Variants in PGBD1 observed in about 807,000 individuals in gnomAD.
PGBD1 encodes the protein piggyBac transposable element derived 1, also known as piggyBac transposable element-derived protein 1.
PGBD1 carries 25 observed loss-of-function variants against 34.7 expected under a neutral mutation model. The ratio of observed to expected loss-of-function variants is 0.72; its 90% CI spans 0.52 to 1.00. The LOEUF is 1.00. Among genes scored for constraint, PGBD1 ranks in the 50% least tolerant of loss-of-function variants. The probability of loss-of-function intolerance (pLI) is 0.00; values close to 1 mark genes in which losing one functional copy is unlikely to be tolerated. For missense variants in PGBD1, 830 were observed against 959.4 expected (o/e 0.87, Z 1.78); for synonymous variants, 292 against 335.7 (o/e 0.87, Z 1.42).
intron 4 of PGBD1, among the ~76,000 whole-genome samples, chr6:28,294,011 C>T (rs1477573060): frequency 6.6e-6 from 1 of 152,174 alleles, no homozygotes; most frequent in Non-Finnish European, 1.5e-5. Flanking sequence ...GCTAGGAGGC[C>T]TCTTGTGCCA....
chr6:28,283,688 T>A (rs1762193841), intron 1 of PGBD1, 88 bp from the exon 2 acceptor site: 1 of 1,226,946 alleles, frequency 8.2e-7, no homozygotes, highest in African/African-American at 1.5e-5. Context: ...GACAAAAATG[T>A]AAGTAGGTTA....
chr6:28,290,362 C>A (rs1035955469), intron 4 of PGBD1, among the ~76,000 whole-genome samples: 1 of 152,150 alleles, frequency 6.6e-6, no homozygotes. Flanking sequence ...TCCCAAAGTT[C>A]TGGGATTACA....
intron 5 of PGBD1, 79 bp from the exon 6 acceptor site, chr6:28,297,816 G>GTTTTTTTTTT (rs368634720): frequency 5.7e-6 from 2 of 350,516 alleles, no homozygotes; most frequent in Non-Finnish European, 9.6e-6. Context: ...TACCCTGGAA[G>GTTTTTTTTTT]TTTTTTTTTT....
rs774020114 is a variant in PGBD1 at position 28,301,806 on chromosome 6, G to T, written c.1952G>T (p.Arg651Leu). The T allele has an allele frequency of 2.7e-5, 43 of 1,613,962 alleles. No individual in the cohort carries two copies. The highest frequency in any genetic ancestry group is 3.6e-5 in the Non-Finnish European group (43 of 1,180,020). ...GGGGTGAGGGCAACAGGAACAATTC[G>T]TGAGAACAGGACCGAAAAATGTCCC... ...KKGVRATGTI[R>L]ENRTEKCPLM... Residue 651 changes from arginine to leucine, a missense_variant, in exon 7 of 7, where the codon CGT (arginine) becomes CTT (leucine). Transcript: ENST00000682144.
rs1340889493 is a variant in PGBD1 at position 28,285,569 on chromosome 6, G to A, written c.415G>A (p.Gly139Arg). Residue 139 changes from glycine to arginine, a missense_variant, in exon 3 of 7, where the codon GGA becomes AGA. Around this residue, in one of 3 missense-constraint regions of PGBD1, gnomAD observed 457 missense variants for 515.4 expected, o/e 0.89. Coordinates refer to ENST00000682144, the MANE Select transcript of PGBD1 (RefSeq NM_032507.4). ...TTTCCAGGCCTCTGTCTATATTCAG[G>A]GACAGGACATGCACCCAATGGTGGC... is the stretch of plus-strand genomic sequence containing the variant. ...TGQQASVYIQ[G>R]QDMHPMVAEY... 5 of 1,613,952 alleles carry A rather than the reference G, an allele frequency of 3.1e-6. No individual in the cohort carries two copies. In the South Asian group the frequency reaches 4.4e-5, roughly 14 times the overall value.
rs1407983562 is a variant in PGBD1, at chr6:28,283,954, T to C, written c.141T>C (p.Phe47=). 3.7e-6 allele frequency: 6 copies of C among 1,614,042 alleles called. No homozygotes were observed. The East Asian group carries it at 8.9e-5, about 24-fold the overall frequency. The change falls in exon 2 of 7, where the codon TTT becomes TTC. Residue 47 remains phenylalanine, a synonymous_variant. Transcript: ENST00000682144. ...SHTQEICRLR[F]RHFCYQEAHG... is the part of the protein sequence containing the mutation. Reference sequence around the variant, plus strand: ...CTCAGGAGATTTGCCGCCTGCGCTTTCGGCACTTCTGCTACCAGGAGGCTC... The same window carrying C: ...CTCAGGAGATTTGCCGCCTGCGCTTCCGGCACTTCTGCTACCAGGAGGCTC...
intron 1 of PGBD1, among the ~76,000 whole-genome samples, chr6:28,282,948 C>T (rs1762172812): frequency 6.6e-6 from 1 of 152,196 alleles, no homozygotes; most frequent in South Asian, 2.1e-4. Context: ...ATTGTTGCAT[C>T]AAAAATAAAA....
rs748626965 is a variant in PGBD1, at chr6:28,301,648, T to C, written c.1794T>C (p.Pro598=). 1 of 1,614,074 alleles carries C rather than the reference T, an allele frequency of 6.2e-7. No individual in the cohort carries two copies. ...CAACTATGAAGGTAGATGAGGATCC[T>C]GATCTTGGGTTAGGTGGAAATCTAG... The part of the protein sequence containing the change: ...EESTMKVDED[P]DLGLGGNLVM... Residue 598 remains proline, a synonymous_variant, in exon 7 of 7, where the codon CCT becomes CCC. Transcript: ENST00000682144.
Position 28,300,881 on chromosome 6 carries a change from A to AG in PGBD1, c.1028dup (p.Asp346ArgfsTer7). The AG allele has an allele frequency of 1.9e-6, 3 of 1,614,124 alleles. No homozygotes were observed. The highest frequency in any genetic ancestry group is 1.1e-5 in the South Asian group (1 of 91,084). ...TGCAGGAGACATTACCCGAAAAGGGAGAAAAAAAGACAAAGCTCGAGTGAG... is the reference window on the plus strand; with the variant it reads ...TGCAGGAGACATTACCCGAAAAGGGAGGAAAAAAAGACAAAGCTCGAGTGAG... On this transcript the variant is annotated frameshift_variant, in exon 7 of 7. Coordinates refer to ENST00000682144, the MANE Select transcript of PGBD1 (RefSeq NM_032507.4). LOFTEE classifies it low-confidence loss of function (END_TRUNC). This position sits in a 1 kb window ranked among gnomAD's most constrained non-coding sequence, Gnocchi z 4.0.
intron 5 of PGBD1, 94 bp downstream of exon 5, chr6:28,297,039 A>T: frequency 1.4e-6 from 2 of 1,414,660 alleles, no homozygotes; most frequent in Admixed American, 2.1e-5. Context: ...TTTCCTACAG[A>T]CCCACACCCT....
rs1561893123 is a variant in PGBD1, at chr6:28,301,408, G to A, written c.1554G>A (p.Lys518=). ...ADNGHLDQKD[K]FTKLRPLIKQ... ...ATGGCCACCTAGATCAAAAAGATAA[G>A]TTTACAAAGTTGAGACCTCTCATAA... Residue 518 remains lysine, a synonymous_variant, in exon 7 of 7, where the codon AAG becomes AAA. Transcript: ENST00000682144. The A allele has an allele frequency of 6.2e-7, 1 of 1,613,996 alleles. No individual in the cohort carries two copies. The highest frequency in any genetic ancestry group is 1.7e-5 in the Admixed American group (1 of 60,014).
At chr6:28,284,266 T>C (rs1272303388) in intron 2 of PGBD1, 57 bp downstream of exon 2, 2 of 1,449,784 alleles carry the variant, frequency 1.4e-6, no homozygotes, top group South Asian at 1.6e-5. Context: ...ATGTATCGGT[T>C]TATTTTTAAC....
In PGBD1 at chr6:28,300,622, C is replaced by A; in HGVS notation, c.870-102C>A. On this transcript the variant is annotated intron_variant, in intron 6 of 6. Coordinates refer to ENST00000682144, the MANE Select transcript of PGBD1 (RefSeq NM_032507.4). This position sits in a 1 kb window ranked among gnomAD's most constrained non-coding sequence, Gnocchi z 4.0. Reference sequence around the variant, plus strand: ...AGAGAAATAAGTAAGTATCCCCCCACACCCACCCCAAGCCCCAAAAGATTT... The same window carrying A: ...AGAGAAATAAGTAAGTATCCCCCCAAACCCACCCCAAGCCCCAAAAGATTT... 1.1e-5 allele frequency: 14 copies of A among 1,311,888 alleles called. No homozygotes were observed. Among genetic ancestry groups the A allele is most frequent in the Non-Finnish European group, 1.3e-5 (13 of 964,096 alleles). The allele number at this position is 1,311,888 out of a possible 1,614,324, so 81.3% of individuals were successfully genotyped here.
intron 4 of PGBD1, among the ~76,000 whole-genome samples, chr6:28,288,682 C>A (rs573560719): frequency 6.6e-6 from 1 of 151,966 alleles, no homozygotes; most frequent in East Asian, 1.9e-4. Context: ...ACAGCAAGAC[C>A]CTGTATCTAT....
At chr6:28,299,384 T>A (rs1762752960) in intron 6 of PGBD1, among the ~76,000 whole-genome samples, 1 of 143,918 alleles carries the variant, frequency 6.9e-6, no homozygotes, top group South Asian at 2.3e-4. Flanking sequence ...CATTTCTCAC[T>A]CCCATTTCCT....
intron 4 of PGBD1, among the ~76,000 whole-genome samples, chr6:28,289,063 T>G (rs1762371459): frequency 6.6e-6 from 1 of 151,846 alleles, no homozygotes; most frequent in African/African-American, 2.4e-5. Flanking sequence ...TTCACAAAAC[T>G]TGTGAAAGAT....
Position 28,283,025 on chromosome 6 carries a change from C to T in PGBD1, c.-38-751C>T, listed in dbSNP as rs1762174087. Among the ~76,000 whole-genome samples, 3 of 152,204 alleles carry T rather than the reference C, an allele frequency of 2.0e-5. No individual in the cohort carries two copies. In the East Asian group the frequency reaches 5.8e-4, roughly 29 times the overall value. On this transcript the variant is annotated intron_variant, in intron 1 of 6. Transcript: ENST00000682144. ...CTCAGGATTATGCGGGTTGACTAGGCGGTTCTACTGGTCTCACCTGGAGTT... is the reference window on the plus strand; with the variant it reads ...CTCAGGATTATGCGGGTTGACTAGGTGGTTCTACTGGTCTCACCTGGAGTT...
At position 28,301,572 on chromosome 6, in the gene PGBD1, G is replaced by T. The variant is rs1641361740; in HGVS notation, c.1718G>T (p.Gly573Val). Residue 573 changes from glycine (G) to valine (V), a missense_variant, in exon 7 of 7, where the codon GGT (glycine) becomes GTT (valine). By Grantham distance (109) the Gly-to-Val change is moderately radical (BLOSUM62 -3). Around this residue, in one of 3 missense-constraint regions of PGBD1, gnomAD observed 372 missense variants for 427.9 expected, o/e 0.87. Transcript: ENST00000682144. ...AGAATTGGCTATAAAATTTGGTGTGGTACAACCACACAGGGTTATCTGGTT... is the reference window on the plus strand; with the variant it reads ...AGAATTGGCTATAAAATTTGGTGTGTTACAACCACACAGGGTTATCTGGTT... Reference protein sequence around the residue: ...PIRIGYKIWCGTTTQGYLVWF... With the variant: ...PIRIGYKIWCVTTTQGYLVWF... The T allele has an allele frequency of 6.2e-7, 1 of 1,614,148 alleles. No homozygotes were observed. The highest frequency in any genetic ancestry group is 8.5e-7 in the Non-Finnish European group (1 of 1,180,014).
Position 28,284,141 on chromosome 6 carries a change from G to A in PGBD1, c.328G>A (p.Glu110Lys), listed in dbSNP as rs1399209874. 6.2e-7 allele frequency: 1 copy of A among 1,609,252 alleles called. No homozygotes were observed. The highest frequency in any genetic ancestry group is 1.7e-5 in the Admixed American group (1 of 59,476). ...GCCCTGTGTGAAGACATATCCTCTG[G>A]AGAGTGGAGAGGAGGCAGTGACAGT... Reference protein sequence around the residue: ...LQPCVKTYPLESGEEAVTVLE... With the variant: ...LQPCVKTYPLKSGEEAVTVLE... Residue 110 changes from glutamate (E) to lysine (K), a missense_variant, in exon 2 of 7, where the codon GAG becomes AAG. By Grantham distance (56) the Glu-to-Lys change is moderately conservative (BLOSUM62 1). Around this residue, in one of 3 missense-constraint regions of PGBD1, gnomAD observed 457 missense variants for 515.4 expected, o/e 0.89. Coordinates refer to ENST00000682144, the MANE Select transcript of PGBD1 (RefSeq NM_032507.4).
Sources: gnomAD v4.1 joint callset for allele counts (sites outside exome capture counted in the v4.1 genomes callset) on GRCh38, gnomAD v4.1.1 for gene constraint, gnomAD v4.1.1 regional missense constraint, Gnocchi (gnomAD v3.1) non-coding constraint, MANE v1.5 for transcripts, NCBI Gene and HGNC (gene_info 2026-07-23, HGNC 2026-07-21) for gene names.